Variants in PIP5K1B observed in about 807,000 individuals in gnomAD.
PIP5K1B encodes phosphatidylinositol-4-phosphate 5-kinase type 1 beta.
A neutral mutation model predicts 67.0 loss-of-function variants in PIP5K1B; 42 were observed. The ratio of observed to expected loss-of-function variants is 0.63; its 90% CI spans 0.49 to 0.81. PIP5K1B has a LOEUF of 0.81. PIP5K1B is among the 30% of genes least tolerant of loss of function. PIP5K1B has a pLI of 0.00. For synonymous variants in PIP5K1B, 214 were observed against 231.4 expected (o/e 0.92, Z 0.68); for missense variants, 459 against 646.3 (o/e 0.71, Z 3.14).
chr9:68,781,178 A>T, intron 2 of PIP5K1B: 1 of 1,063,058 alleles, frequency 9.4e-7, no homozygotes, highest in Non-Finnish European at 1.4e-6. Flanking sequence ...ATTCTAGAGA[A>T]CTTCTATGTC....
At chr9:68,934,214 A>T (rs1421767843) in intron 12 of PIP5K1B, among the ~76,000 whole-genome samples, 1 of 152,250 alleles carries the variant, frequency 6.6e-6, no homozygotes, top group African/African-American at 2.4e-5. Flanking sequence ...AGCATGATTG[A>T]TGGTGAAGTA....
intron 2 of PIP5K1B, among the ~76,000 whole-genome samples, chr9:68,742,911 G>A (rs1356007037): frequency 2.0e-5 from 3 of 152,204 alleles, no homozygotes; most frequent in Non-Finnish European, 4.4e-5. Flanking sequence ...AGAGAATAGA[G>A]TGGTCAACAA....
intron 2 of PIP5K1B, among the ~76,000 whole-genome samples, chr9:68,759,072 T>C (rs1830070717): frequency 6.6e-6 from 1 of 152,138 alleles, no homozygotes; most frequent in Non-Finnish European, 1.5e-5. Context: ...GTAGACCTTG[T>C]ATAAGACAAT....
chr9:68,717,529 C>G (rs1827692547), intron 1 of PIP5K1B, among the ~76,000 whole-genome samples: 1 of 152,106 alleles, frequency 6.6e-6, no homozygotes, highest in Admixed American at 6.6e-5. Context: ...GATCAGGTGC[C>G]AGCATGATCA....
intron 4 of PIP5K1B, among the ~76,000 whole-genome samples, chr9:68,836,418 G>A (rs1202504638): frequency 6.6e-6 from 1 of 151,952 alleles, no homozygotes; most frequent in African/African-American, 2.4e-5. Flanking sequence ...AAAGGATGGA[G>A]TCTTCTGAGA....
intron 5 of PIP5K1B, among the ~76,000 whole-genome samples, chr9:68,865,666 G>C (rs1047706662): frequency 1.3e-5 from 2 of 152,100 alleles, no homozygotes; most frequent in African/African-American, 4.8e-5. Flanking sequence ...AACCATTGAC[G>C]GGCACTTGGG....
rs761654907 is a variant in PIP5K1B, at chr9:69,008,449, A to G, written c.1623A>G (p.Ter541=). 8.1e-6 allele frequency: 13 copies of G among 1,613,932 alleles called. No homozygotes were observed. Among genetic ancestry groups the G allele is most frequent in the Non-Finnish European group, 1.0e-5 (12 of 1,179,798 alleles). ...DNASVLDVYL[*] is the part of the protein sequence containing the mutation. ...ACCTGCTTTTTTGCTCCCCCCAGTA[A>G]GTGAAAATGGTGATCACCTAAGCAC... The change falls in exon 16 of 16, where the codon TAA becomes TAG. Residue 541 remains the stop codon, a splice_region_variant and stop_retained_variant. Coordinates refer to ENST00000265382, the MANE Select transcript of PIP5K1B (RefSeq NM_003558.4).
intron 2 of PIP5K1B, chr9:68,779,945 C>T (rs1831139985): frequency 3.8e-6 from 2 of 529,708 alleles, no homozygotes; most frequent in Non-Finnish European, 3.1e-6. Flanking sequence ...CCCGACCACT[C>T]CTCGCCCCTC....
At chr9:68,848,548 T>C (rs771732195) in intron 4 of PIP5K1B, among the ~76,000 whole-genome samples, 3 of 152,222 alleles carry the variant, frequency 2.0e-5, no homozygotes, top group Non-Finnish European at 1.5e-5. Context: ...ATTGTGAATA[T>C]GGGTGTAAAT....
At chr9:68,893,524 G>C (rs1564211517) in intron 7 of PIP5K1B, among the ~76,000 whole-genome samples, 1 of 151,892 alleles carries the variant, frequency 6.6e-6, no homozygotes, top group African/African-American at 2.4e-5. Flanking sequence ...AGTAGAGACA[G>C]GGTTTCACCA....
chr9:68,758,721 T>A (rs938978256), intron 2 of PIP5K1B, among the ~76,000 whole-genome samples: 1 of 151,958 alleles, frequency 6.6e-6, no homozygotes, highest in South Asian at 2.1e-4. Context: ...AAATAATAAC[T>A]GAAAAATCCC....
chr9:68,714,758 A>G lies in PIP5K1B; in HGVS notation c.-243+8996A>G, dbSNP rs142539775. 8.8e-3 allele frequency among the ~76,000 whole-genome samples: 1,335 copies of G among 152,308 alleles called. 20 individuals carry two copies. Among genetic ancestry groups the G allele is most frequent in the African/African-American group, 0.029 (1,190 of 41,562 alleles). On this transcript the variant is annotated intron_variant, in intron 1 of 15. Transcript: ENST00000265382. ...CTGGAGTCCAGTCAGAGGCAGGTTC[A>G]TAACTACAGTCAACTACTTTTAAAG...
intron 12 of PIP5K1B, among the ~76,000 whole-genome samples, chr9:68,934,043 A>C (rs1382215085): frequency 1.3e-5 from 2 of 152,228 alleles, no homozygotes; most frequent in African/African-American, 2.4e-5. Context: ...AAACATAAAG[A>C]GGCCTCAACT....
At chr9:68,833,242 C>T (rs1350823698) in intron 4 of PIP5K1B, among the ~76,000 whole-genome samples, 2 of 152,206 alleles carry the variant, frequency 1.3e-5, no homozygotes, top group Non-Finnish European at 2.9e-5. Context: ...ATAAGGTATT[C>T]AGGGGACCCT....
At chr9:68,755,491 G>C (rs372353406) in intron 2 of PIP5K1B, among the ~76,000 whole-genome samples, 1 of 152,120 alleles carries the variant, frequency 6.6e-6, no homozygotes, top group African/African-American at 2.4e-5. Context: ...CAAAGAATAA[G>C]TTGCTCTGTA....
At chr9:68,963,087 T>C (rs917352707) in intron 14 of PIP5K1B, 1 of 451,224 alleles carries the variant, frequency 2.2e-6, no homozygotes, top group South Asian at 1.6e-5. Flanking sequence ...TCATAATAAC[T>C]TGACCTTTCC....
chr9:68,983,504 T>G (rs1435000002), intron 14 of PIP5K1B, among the ~76,000 whole-genome samples: 1 of 151,900 alleles, frequency 6.6e-6, no homozygotes, highest in African/African-American at 2.4e-5. Flanking sequence ...TAATACATAT[T>G]TTAAATACTT....
intron 4 of PIP5K1B, among the ~76,000 whole-genome samples, chr9:68,863,159 G>A (rs994311815): frequency 2.1e-4 from 32 of 152,060 alleles, no homozygotes; most frequent in African/African-American, 7.2e-4. Flanking sequence ...CCCACTAGAC[G>A]TAATGCCACC....
intron 2 of PIP5K1B, among the ~76,000 whole-genome samples, chr9:68,808,238 A>G (rs1045159650): frequency 6.6e-6 from 1 of 152,124 alleles, no homozygotes; most frequent in African/African-American, 2.4e-5. Flanking sequence ...AAATGTAAGC[A>G]AGTTATAGAG....
Sources: allele counts gnomAD v4.1 joint callset (sites outside exome capture counted in the v4.1 genomes callset), GRCh38; gene constraint gnomAD v4.1.1; transcripts MANE v1.5; gene names NCBI Gene and HGNC (gene_info 2026-07-23, HGNC 2026-07-21).